The following PSME4 variants were observed in gnomAD, a reference collection of about 807,000 sequenced individuals.
PSME4 encodes proteasome activator complex subunit 4.
A neutral mutation model predicts 253.9 loss-of-function variants in PSME4; 89 were observed. The observed-to-expected ratio is 0.35, with a 90% CI of 0.30 to 0.42. The LOEUF (loss-of-function observed/expected upper bound fraction) is 0.42, where lower values mean the gene tolerates loss of function less well. Among genes scored for constraint, PSME4 ranks in the 10% least tolerant of loss-of-function variants. The probability of loss-of-function intolerance (pLI) is 1.00; values close to 1 mark genes in which losing one functional copy is unlikely to be tolerated. For synonymous variants in PSME4, 851 were observed against 759.2 expected (o/e 1.12, Z -1.99); for missense variants, 2,014 against 2,195.2 (o/e 0.92, Z 1.65).
rs778884482 is a variant in PSME4, at chr2:53,899,952, C to T, written c.3351G>A (p.Gln1117=). ...LQQSKNPSIN[Q]ILLSPEKIKE... is the part of the protein sequence containing the mutation. ...TAATTTTTTCTGGGCTAAGCAATAT[C>T]TGGTTGATAGAGGGGTTTTTTGACT... The change falls in exon 29 of 47, where the codon CAG becomes CAA. Residue 1117 remains glutamine (Q), a synonymous_variant. Transcript: ENST00000404125. 1.9e-6 allele frequency: 3 copies of T among 1,613,224 alleles called. No homozygotes were observed. In the African/African-American group the frequency reaches 4.0e-5, roughly 22 times the overall value.
At chr2:53,949,320 G>T in intron 1 of PSME4, 37 bp from the exon 2 acceptor site, 1 of 1,352,794 alleles carries the variant, frequency 7.4e-7, no homozygotes, top group South Asian at 1.4e-5. Context: ...TTAAAAATAG[G>T]TATGATGACA....
chr2:53,887,635 C>T (rs1330096295), intron 39 of PSME4, among the ~76,000 whole-genome samples, 168 bp from the exon 40 acceptor site: 1 of 152,154 alleles, frequency 6.6e-6, no homozygotes, highest in African/African-American at 2.4e-5. Flanking sequence ...GGTATTAACA[C>T]TTAGGTGTTG....
intron 8 of PSME4, among the ~76,000 whole-genome samples, chr2:53,934,322 G>A (rs1669003333): frequency 6.6e-6 from 1 of 152,174 alleles, no homozygotes; most frequent in African/African-American, 2.4e-5. Context: ...AGTCTTCCGG[G>A]CTACAAGTCT....
intron 10 of PSME4, among the ~76,000 whole-genome samples, chr2:53,929,745 T>C (rs1423006887): frequency 6.6e-6 from 1 of 152,130 alleles, no homozygotes; most frequent in Non-Finnish European, 1.5e-5. Context: ...TGGCCAGCCA[T>C]GGTGGCTCAC....
chr2:53,901,559 C>A lies in PSME4; in HGVS notation c.3076G>T (p.Gly1026Cys). 2 of 1,590,572 alleles carry A rather than the reference C, an allele frequency of 1.3e-6. No homozygotes were observed. The highest frequency in any genetic ancestry group is 1.7e-5 in the Admixed American group (1 of 57,248). Residue 1026 changes from glycine to cysteine, a missense_variant and splice_region_variant, in exon 28 of 47, where the codon GGT becomes TGT. Transcript: ENST00000404125. The stretch of plus-strand genomic sequence containing the variant: ...TTTCCAAGGAGACAGTACAAGGCAC[C>A]CTGCAGAAAAAAAAATATATATATG... ...RQGVTQQQFK[G>C]ALYCLLGNHS...
chr2:53,866,409 A>C (rs1381253862), intron 45 of PSME4, among the ~76,000 whole-genome samples, 186 bp from the exon 46 acceptor site: 1 of 152,250 alleles, frequency 6.6e-6, no homozygotes, highest in Non-Finnish European at 1.5e-5. Flanking sequence ...AAATGCCATC[A>C]TAATTTCCTA....
At chr2:53,898,113 G>C (rs2104432290) in intron 30 of PSME4, 114 bp from the exon 31 acceptor site, 4 of 1,307,206 alleles carry the variant, frequency 3.1e-6, no homozygotes, top group Non-Finnish European at 4.2e-6. Context: ...AATAGGTCTA[G>C]TGAAGAATAC....
intron 14 of PSME4, among the ~76,000 whole-genome samples, chr2:53,924,578 G>C (rs756993068): frequency 2.6e-5 from 4 of 152,110 alleles, no homozygotes; most frequent in Non-Finnish European, 5.9e-5. Context: ...CTAAAACTCA[G>C]CTGAGTAACT....
chr2:53,919,694 G>A (rs1449040865), intron 19 of PSME4, among the ~76,000 whole-genome samples: 1 of 152,056 alleles, frequency 6.6e-6, no homozygotes, highest in Non-Finnish European at 1.5e-5. Context: ...TCTTAAATCT[G>A]CTTATGAAAA....
intron 41 of PSME4, among the ~76,000 whole-genome samples, chr2:53,883,664 G>A (rs1262576801): frequency 4.6e-5 from 7 of 151,952 alleles, no homozygotes; most frequent in Admixed American, 3.3e-4. Context: ...AGTAAGTTAC[G>A]AGGCATATGC....
chr2:53,867,852 C>A (rs751999053), intron 44 of PSME4, among the ~76,000 whole-genome samples: 23 of 151,884 alleles, frequency 1.5e-4, no homozygotes, highest in Admixed American at 7.9e-4. Flanking sequence ...TTAGTAAACA[C>A]ATCATGTATG....
At chr2:53,891,246 C>T (rs1679891818) in intron 36 of PSME4, among the ~76,000 whole-genome samples, 1 of 152,160 alleles carries the variant, frequency 6.6e-6, no homozygotes, top group Admixed American at 6.5e-5. Flanking sequence ...CCCATAAAAA[C>T]ATGTACGTCG....
intron 8 of PSME4, 173 bp from the exon 9 acceptor site, chr2:53,932,933 C>A: frequency 1.8e-6 from 1 of 549,376 alleles, no homozygotes; most frequent in Non-Finnish European, 3.2e-6. Flanking sequence ...GAACTTCATG[C>A]AAACCAACTC....
At chr2:53,912,978 A>ATGTT (rs1667894351) in intron 20 of PSME4, among the ~76,000 whole-genome samples, 2 of 152,336 alleles carry the variant, frequency 1.3e-5, no homozygotes, top group African/African-American at 4.8e-5. Context: ...TATTCTGACT[A>ATGTT]AAAGCTATGT....
At chr2:53,969,078 T>C (rs1295874202) in intron 1 of PSME4, among the ~76,000 whole-genome samples, 1 of 152,220 alleles carries the variant, frequency 6.6e-6, no homozygotes, top group East Asian at 1.9e-4. Flanking sequence ...ATTTTTACTG[T>C]GCCTGAGCAA....
chr2:53,953,549 T>C (rs927305147), intron 1 of PSME4, among the ~76,000 whole-genome samples: 5 of 149,930 alleles, frequency 3.3e-5, no homozygotes, highest in African/African-American at 1.2e-4. Flanking sequence ...AAATGCATTA[T>C]TCTTGGGATC....
In PSME4 at chr2:53,966,535, A is replaced by G. The variant is rs1670744907; in HGVS notation, c.242+4008T>C. ...AAAAATTAGCCAGGCGTCGTGGCAC[A>G]TGCCTATAATCCCAGCTACTCTGTC... On this transcript the variant is annotated intron_variant, in intron 1 of 46. Coordinates refer to ENST00000404125, the MANE Select transcript of PSME4 (RefSeq NM_014614.3). 2.0e-5 allele frequency among the ~76,000 whole-genome samples: 3 copies of G among 151,534 alleles called. No homozygotes were observed. In the South Asian group the frequency reaches 6.2e-4, roughly 32 times the overall value.
chr2:53,901,234 A>C lies in PSME4; in HGVS notation c.3285+116T>G. On this transcript the variant is annotated intron_variant, in intron 28 of 46. Coordinates refer to ENST00000404125, the MANE Select transcript of PSME4 (RefSeq NM_014614.3). ...AGGTAACAAACGCTTTTTTAAAAAAACACTGGACTCAAATGCCAAGAATAT... is the reference window on the plus strand; with the variant it reads ...AGGTAACAAACGCTTTTTTAAAAAACCACTGGACTCAAATGCCAAGAATAT... 5.3e-6 allele frequency: 5 copies of C among 944,766 alleles called. 1 individual carries two copies. The South Asian group carries it at 8.2e-5, about 16-fold the overall frequency. The allele number at this position is 944,766 out of a possible 1,614,324, so 58.5% of individuals were successfully genotyped here. A position where few individuals can be genotyped will look rare whatever the true frequency, so the allele number is the denominator to read the frequency against.
intron 41 of PSME4, among the ~76,000 whole-genome samples, chr2:53,883,724 T>A (rs1014574269): frequency 7.2e-5 from 11 of 152,030 alleles, no homozygotes; most frequent in South Asian, 4.1e-4. Context: ...AACCTGTGAA[T>A]GTTGGCTCAA....
Sources: allele counts gnomAD v4.1 joint callset (sites outside exome capture counted in the v4.1 genomes callset), GRCh38; gene constraint gnomAD v4.1.1; transcripts MANE v1.5; gene names NCBI Gene and HGNC (gene_info 2026-07-23, HGNC 2026-07-21).